Variants in CCDC102B observed in about 807,000 individuals in gnomAD.
CCDC102B encodes coiled-coil domain containing 102B.
A neutral mutation model predicts 57.4 loss-of-function variants in CCDC102B; 75 were observed. That is an observed-to-expected ratio of 1.31 (90% CI 1.08 to 1.58). The LOEUF is 1.58. Ranked by LOEUF, CCDC102B falls within the 40% of genes most tolerant of loss-of-function variation. CCDC102B has a pLI of 0.00. For missense variants in CCDC102B, 636 were observed against 582.6 expected, an observed-to-expected ratio of 1.09 and a Z score of -0.94; for synonymous variants, 206 against 201.9, an observed-to-expected ratio of 1.02 and a Z score of -0.17.
At chr18:68,740,147 C>T (rs568772480) in intron 2 of CCDC102B, among the ~76,000 whole-genome samples, 1 of 152,232 alleles carries the variant, frequency 6.6e-6, no homozygotes, top group African/African-American at 2.4e-5. Context: ...GGCTTTTACC[C>T]ACTAGATTCC....
At chr18:68,875,695 A>T (rs1321613668) in intron 5 of CCDC102B, among the ~76,000 whole-genome samples, 1 of 152,118 alleles carries the variant, frequency 6.6e-6, no homozygotes, top group Non-Finnish European at 1.5e-5. Context: ...TCAACTCCAT[A>T]AGCATCTCTG....
intron 6 of CCDC102B, among the ~76,000 whole-genome samples, chr18:68,936,780 C>T (rs910728198): frequency 4.5e-5 from 6 of 133,810 alleles, no homozygotes; most frequent in Admixed American, 1.6e-4. Context: ...TACATACATA[C>T]ATATATATAC....
chr18:68,980,350 CT>C (rs201071065), intron 6 of CCDC102B, among the ~76,000 whole-genome samples: 2,302 of 146,616 alleles, frequency 0.016, 68 homozygotes, highest in African/African-American at 0.055. Context: ...CAACACATAA[CT>C]TACTTAGGGC....
chr18:69,050,047 G>A (rs1261385053), intron 7 of CCDC102B, among the ~76,000 whole-genome samples: 2 of 107,246 alleles, frequency 1.9e-5, no homozygotes, highest in Non-Finnish European at 4.5e-5. Context: ...TCACTCAAGT[G>A]ATCCCCCTGC....
chr18:68,846,689 A>T (rs960073999), intron 4 of CCDC102B, among the ~76,000 whole-genome samples: 1 of 151,818 alleles, frequency 6.6e-6, no homozygotes, highest in African/African-American at 2.4e-5. Context: ...TATATATTTA[A>T]GATATAAAAA....
chr18:69,055,624 C>T (rs2052803109), downstream of CCDC102B, among the ~76,000 whole-genome samples: 1 of 152,030 alleles, frequency 6.6e-6, no homozygotes. Flanking sequence ...TTAGGGTTCC[C>T]CTTGCCTGAC....
In CCDC102B at chr18:68,725,008, C is replaced by T. The variant is rs560174831; in HGVS notation, c.-67+8414C>T. Among the ~76,000 whole-genome samples, 4 of 152,318 alleles carry T rather than the reference C, an allele frequency of 2.6e-5. No individual in the cohort carries two copies. The South Asian group carries it at 8.3e-4, about 32-fold the overall frequency. On this transcript the variant is annotated intron_variant, in intron 2 of 3. Transcript: ENST00000578970. ...GCATAGCTGGGAAGACCGCAGGAAA[C>T]TTACAATCATGGCGGAAGGCACCTC...
rs112004620 is a variant in CCDC102B, at chr18:68,946,036, CTT to C, written c.1263+48611_1263+48612del. Among the ~76,000 whole-genome samples, 447 of 151,864 alleles carry C rather than the reference CTT, an allele frequency of 2.9e-3. 2 individuals carry two copies. The highest frequency in any genetic ancestry group is 0.01 in the African/African-American group (425 of 41,484). ...TAGTGGTTTAGTTGTTTCTAAGTAT[CTT>C]TTGCTGGAAAGTAGTTTGTAGCTTT... On this transcript the variant is annotated intron_variant, in intron 6 of 7. Transcript: ENST00000360242.
chr18:68,976,716 G>C (rs2050447599), intron 6 of CCDC102B, among the ~76,000 whole-genome samples: 1 of 151,910 alleles, frequency 6.6e-6, no homozygotes, highest in South Asian at 2.1e-4. Context: ...TTTCTCTCAT[G>C]TTACCACTTT....
In CCDC102B at chr18:68,929,138, A is replaced by C. The variant is rs189029263; in HGVS notation, c.1263+31710A>C. Among the ~76,000 whole-genome samples, 459 of 152,048 alleles carry C rather than the reference A, an allele frequency of 3.0e-3. 1 individual carries two copies. Among genetic ancestry groups the C allele is most frequent in the Middle Eastern group, 0.01 (3 of 294 alleles). The stretch of plus-strand genomic sequence containing the variant: ...CCCACCTGTAAAGGACACTGAATGG[A>C]TGTTGAAAGCTCAAGATCCATTTCA... On this transcript the variant is annotated intron_variant, in intron 6 of 7. Transcript: ENST00000360242.
At chr18:69,020,879 T>C (rs1163069514) in intron 7 of CCDC102B, among the ~76,000 whole-genome samples, 2 of 152,204 alleles carry the variant, frequency 1.3e-5, no homozygotes, top group African/African-American at 4.8e-5. Flanking sequence ...GTGTAATACA[T>C]CTTCTAGATT....
chr18:68,785,032 G>C (rs2035149139), intron 2 of CCDC102B, among the ~76,000 whole-genome samples: 2 of 133,656 alleles, frequency 1.5e-5, no homozygotes, highest in Non-Finnish European at 3.0e-5. Context: ...CTGTGTCCAT[G>C]TGATTTCATT....
chr18:69,012,676 G>T (rs1045543161), intron 7 of CCDC102B, among the ~76,000 whole-genome samples: 3 of 151,868 alleles, frequency 2.0e-5, no homozygotes, highest in African/African-American at 7.3e-5. Context: ...CACGTCCTGA[G>T]GCCACCATGT....
In CCDC102B at chr18:68,837,399, T is replaced by C. The variant is rs781275508; in HGVS notation, c.606+30T>C. On this transcript the variant is annotated intron_variant, in intron 2 of 7. Coordinates refer to ENST00000360242, the MANE Select transcript of CCDC102B (RefSeq NM_024781.3). ...GAAAAAAATCCAGAGATGATGTGAATTTCTGAAGGTCATATATAGTGATGG... is the reference window on the plus strand; with the variant it reads ...GAAAAAAATCCAGAGATGATGTGAACTTCTGAAGGTCATATATAGTGATGG... 43 of 1,581,178 alleles carry C rather than the reference T, an allele frequency of 2.7e-5. 1 individual carries two copies. The South Asian group carries it at 4.8e-4, about 18-fold the overall frequency.
At chr18:68,763,448 A>AT in intron 2 of CCDC102B, among the ~76,000 whole-genome samples, 1 of 152,298 alleles carries the variant, frequency 6.6e-6, no homozygotes, top group Non-Finnish European at 1.5e-5. Context: ...TATATTTAGA[A>AT]TATTGGCAGA....
intron 4 of CCDC102B, among the ~76,000 whole-genome samples, chr18:68,849,300 G>A (rs1397976330): frequency 6.6e-6 from 1 of 152,086 alleles, no homozygotes; most frequent in East Asian, 1.9e-4. Flanking sequence ...TTAGAAATAG[G>A]TGTATGGTGG....
chr18:68,954,128 G>A (rs1036691524), intron 6 of CCDC102B, among the ~76,000 whole-genome samples: 3 of 151,928 alleles, frequency 2.0e-5, no homozygotes, highest in Non-Finnish European at 4.4e-5. Flanking sequence ...CTGTGTTAAA[G>A]AAGAAAGTGA....
intron 6 of CCDC102B, among the ~76,000 whole-genome samples, chr18:69,000,779 T>G (rs1263472291): frequency 6.6e-6 from 1 of 152,212 alleles, no homozygotes; most frequent in East Asian, 1.9e-4. Context: ...ACCTGCAGCG[T>G]CAAATTTGGA....
intron 7 of CCDC102B, among the ~76,000 whole-genome samples, chr18:69,037,416 G>C (rs569906867): frequency 9.9e-5 from 15 of 152,102 alleles, no homozygotes; most frequent in Admixed American, 4.6e-4. Flanking sequence ...AGGACAACAA[G>C]AGGTAGAATA....
Sources: gnomAD v4.1 joint callset for allele counts (sites outside exome capture counted in the v4.1 genomes callset) on GRCh38, gnomAD v4.1.1 for gene constraint, MANE v1.5 for transcripts, NCBI Gene and HGNC (gene_info 2026-07-23, HGNC 2026-07-21) for gene names.